Variants in LRBA observed in about 807,000 individuals in gnomAD.
The protein encoded by LRBA is LPS responsive beige-like anchor protein.
LRBA carries 176 observed loss-of-function variants against 330.0 expected under a neutral mutation model. The ratio of observed to expected loss-of-function variants is 0.53; its 90% CI spans 0.47 to 0.60. The LOEUF is 0.60. Among genes scored for constraint, LRBA ranks in the 20% least tolerant of loss-of-function variants. The pLI, the probability that LRBA is intolerant of heterozygous loss-of-function variation, is 0.00. For missense variants in LRBA, 3,259 were observed against 3,444.8 expected, an observed-to-expected ratio of 0.95 and a Z score of 1.35; for synonymous variants, 1,230 against 1,193.0, an observed-to-expected ratio of 1.03 and a Z score of -0.64.
At chr4:150,542,546 T>C (rs1395368533) in intron 40 of LRBA, among the ~76,000 whole-genome samples, 1 of 152,212 alleles carries the variant, frequency 6.6e-6, no homozygotes, top group East Asian at 1.9e-4. Context: ...AAACTCTGTC[T>C]TGCACATATC....
chr4:150,280,908 C>T (rs1007735714), intron 55 of LRBA, among the ~76,000 whole-genome samples: 6 of 151,938 alleles, frequency 3.9e-5, no homozygotes, highest in Admixed American at 1.3e-4. Flanking sequence ...TGCAAGTTAG[C>T]ATGATAAAGT....
intron 48 of LRBA, among the ~76,000 whole-genome samples, chr4:150,343,593 A>C (rs1735878897): frequency 6.6e-6 from 1 of 152,050 alleles, no homozygotes; most frequent in Admixed American, 6.6e-5. Context: ...TTCACGTTTC[A>C]TCTTTTCTAC....
At chr4:150,938,022 A>C (rs1383831460) in intron 2 of LRBA, among the ~76,000 whole-genome samples, 2 of 151,528 alleles carry the variant, frequency 1.3e-5, no homozygotes, top group Non-Finnish European at 2.9e-5. Flanking sequence ...TGGACAACTC[A>C]CTGGAAACTT....
At chr4:150,302,487 A>T in intron 53 of LRBA, 138 bp downstream of exon 53, 1 of 456,134 alleles carries the variant, frequency 2.2e-6, no homozygotes, top group Non-Finnish European at 3.7e-6. Flanking sequence ...GGCTATTTGG[A>T]TCATTCTTAA....
chr4:150,817,926 T>A (rs1744841311), intron 30 of LRBA, among the ~76,000 whole-genome samples: 1 of 152,076 alleles, frequency 6.6e-6, no homozygotes, highest in Admixed American at 6.6e-5. Context: ...TTAATTGAAG[T>A]TGGCTCCATA....
At chr4:150,513,708 AT>A (rs1193048746) in intron 40 of LRBA, among the ~76,000 whole-genome samples, 4 of 152,142 alleles carry the variant, frequency 2.6e-5, no homozygotes, top group Admixed American at 2.6e-4. Context: ...GAGACAGAGA[AT>A]TTCTCTTTCA....
chr4:150,843,741 G>C (rs1749439165), intron 28 of LRBA, among the ~76,000 whole-genome samples: 1 of 152,108 alleles, frequency 6.6e-6, no homozygotes, highest in South Asian at 2.1e-4. Flanking sequence ...ACACTAGCTT[G>C]GAGATGTTAC....
chr4:150,526,338 A>T (rs947821844), intron 40 of LRBA, among the ~76,000 whole-genome samples: 1 of 152,198 alleles, frequency 6.6e-6, no homozygotes, highest in African/African-American at 2.4e-5. Context: ...TTTGAAGGTT[A>T]CATCCCTTAA....
chr4:150,703,026 T>C (rs1036956593), intron 36 of LRBA, among the ~76,000 whole-genome samples: 1 of 152,130 alleles, frequency 6.6e-6, no homozygotes, highest in Non-Finnish European at 1.5e-5. Context: ...CCAGGCGTCA[T>C]AGTGGACGCC....
intron 22 of LRBA, among the ~76,000 whole-genome samples, chr4:150,862,333 G>T (rs1752053943): frequency 6.6e-6 from 1 of 152,172 alleles, no homozygotes; most frequent in South Asian, 2.1e-4. Flanking sequence ...TGCACACCAT[G>T]GAATACTATG....
intron 17 of LRBA, among the ~76,000 whole-genome samples, chr4:150,883,466 CAA>C (rs982606872): frequency 1.3e-5 from 2 of 151,866 alleles, no homozygotes; most frequent in Admixed American, 1.3e-4. Flanking sequence ...TCTCAAAAAA[CAA>C]AAAAATTATG....
Position 150,852,318 on chromosome 4 carries a change from T to C in LRBA, c.3392A>G (p.Asp1131Gly), listed in dbSNP as rs553138286. 332 of 1,614,056 alleles carry C rather than the reference T, an allele frequency of 2.1e-4. 2 individuals are homozygous for C. In the South Asian group the frequency reaches 2.4e-3, roughly 12 times the overall value. ...AGATGCAGCTGGAGACAAACTGTTA[T>C]CTTGGAGCTCTGTGGGTAGATTAGC... ...EEANLPTELQ[D>G]NSLSPAASEA... Residue 1131 changes from aspartate (D) to glycine (G), a missense_variant, in exon 23 of 57, where the codon GAT (aspartate) becomes GGT (glycine). Physicochemically the swap from Asp to Gly is moderately conservative, Grantham distance 94. Transcript: ENST00000651943.
chr4:150,577,894 G>T (rs1770746666), intron 40 of LRBA, among the ~76,000 whole-genome samples: 1 of 152,148 alleles, frequency 6.6e-6, no homozygotes, highest in Non-Finnish European at 1.5e-5. Flanking sequence ...GATTACAGAA[G>T]CACTGACTTC....
rs542514171 is a variant in LRBA, at chr4:150,559,523, A to T, written c.6330+28525T>A. Among the ~76,000 whole-genome samples the T allele has an allele frequency of 1.6e-3, 213 of 137,014 alleles. 1 individual carries two copies. The highest frequency in any genetic ancestry group is 3.5e-3 in the Admixed American group (41 of 11,604). The allele number at this position is 137,014 out of a possible 152,430, so 89.9% of individuals were successfully genotyped here. On this transcript the variant is annotated intron_variant, in intron 40 of 56. Transcript: ENST00000651943. ...TTGCAGTGAGACTCCATCTCAAAAA[A>T]ATATATATACATTATATATAAGATA...
intron 44 of LRBA, among the ~76,000 whole-genome samples, chr4:150,438,207 G>A (rs1404319237): frequency 1.3e-5 from 2 of 152,164 alleles, no homozygotes; most frequent in Admixed American, 1.3e-4. Flanking sequence ...CAGAGGCCAG[G>A]TGCAGTGGTT....
intron 36 of LRBA, among the ~76,000 whole-genome samples, chr4:150,715,557 A>G (rs1728075892): frequency 6.6e-6 from 1 of 152,234 alleles, no homozygotes; most frequent in Admixed American, 6.5e-5. Context: ...TTTCACATAA[A>G]AACTACATTG....
At chr4:150,560,444 CCT>C (rs1311041812) in intron 40 of LRBA, among the ~76,000 whole-genome samples, 2 of 152,018 alleles carry the variant, frequency 1.3e-5, no homozygotes. Flanking sequence ...CCTGTGATGT[CCT>C]CTGTGACCAA....
In LRBA at chr4:150,436,907, T is replaced by C. The variant is rs771553615; in HGVS notation, c.6781-43A>G. 12 of 1,572,462 alleles carry C rather than the reference T, an allele frequency of 7.6e-6. No individual in the cohort carries two copies. In the East Asian group the frequency reaches 1.6e-4, roughly 21 times the overall value. ...AAAAACAAAGAATACATCAATGTAA[T>C]CATCCTTCATGTCTTCCTCTCTTCT... On this transcript the variant is annotated intron_variant, in intron 44 of 56. Coordinates refer to ENST00000651943, the MANE Select transcript of LRBA (RefSeq NM_001364905.1).
intron 2 of LRBA, among the ~76,000 whole-genome samples, chr4:150,975,535 A>C (rs938357430): frequency 3.2e-4 from 42 of 131,840 alleles, no homozygotes; most frequent in African/African-American, 1.5e-3. Context: ...CTCTATCTCA[A>C]AAAAAAAAAA....
Sources: gnomAD v4.1 joint callset for allele counts (sites outside exome capture counted in the v4.1 genomes callset) on GRCh38, gnomAD v4.1.1 for gene constraint, MANE v1.5 for transcripts, NCBI Gene and HGNC (gene_info 2026-07-23, HGNC 2026-07-21) for gene names.